CACNA2D1: variants seen among roughly 807,000 people sequenced by gnomAD.
The protein encoded by CACNA2D1 is voltage-dependent calcium channel subunit alpha-2/delta-1.
CACNA2D1 carries 53 observed loss-of-function variants against 171.5 expected under a neutral mutation model. The ratio of observed to expected loss-of-function variants is 0.31; its 90% CI spans 0.25 to 0.39. CACNA2D1 has a LOEUF of 0.39. Among genes scored for constraint, CACNA2D1 ranks in the 10% least tolerant of loss-of-function variants. CACNA2D1 has a pLI of 1.00. For synonymous variants in CACNA2D1, 442 were observed against 443.1 expected (o/e 1.00, Z 0.03); for missense variants, 903 against 1,299.8 (o/e 0.69, Z 4.69).
At chr7:81,976,244 T>G (rs1329477024) in intron 24 of CACNA2D1, among the ~76,000 whole-genome samples, 2 of 152,156 alleles carry the variant, frequency 1.3e-5, no homozygotes, top group Non-Finnish European at 2.9e-5. Context: ...CTTTTTTGGT[T>G]CCATATGAAA....
intron 3 of CACNA2D1, among the ~76,000 whole-genome samples, chr7:82,182,654 T>C (rs919134595): frequency 8.5e-5 from 13 of 152,082 alleles, no homozygotes; most frequent in Admixed American, 3.3e-4. Context: ...AAAAATTTAA[T>C]ATACATCTGA....
At chr7:82,019,494 TTAAG>T (rs1435221030) in intron 12 of CACNA2D1, among the ~76,000 whole-genome samples, 1 of 152,222 alleles carries the variant, frequency 6.6e-6, no homozygotes, top group Admixed American at 6.5e-5. Flanking sequence ...GAGAAGACTT[TTAAG>T]TAAGAGCAGT....
chr7:82,163,695 G>A (rs1795167510), intron 4 of CACNA2D1, among the ~76,000 whole-genome samples: 1 of 151,956 alleles, frequency 6.6e-6, no homozygotes, highest in South Asian at 2.1e-4. Context: ...TTTGCATAGA[G>A]CACATTGAAT....
intron 3 of CACNA2D1, among the ~76,000 whole-genome samples, chr7:82,211,722 C>A (rs538471680): frequency 1.3e-5 from 2 of 152,066 alleles, no homozygotes; most frequent in East Asian, 1.9e-4. Context: ...TGGTTGTATA[C>A]CCAGTAATGA....
chr7:82,172,541 C>T lies in CACNA2D1; in HGVS notation c.295-1932G>A, dbSNP rs765630457. Among the ~76,000 whole-genome samples, 174 of 151,340 alleles carry T rather than the reference C, an allele frequency of 1.1e-3. 1 individual carries two copies. Among genetic ancestry groups the T allele is most frequent in the Non-Finnish European group, 2.1e-3 (144 of 67,904 alleles). On this transcript the variant is annotated intron_variant, in intron 3 of 38. Coordinates refer to ENST00000356860, the MANE Select transcript of CACNA2D1 (RefSeq NM_000722.4). Reference sequence around the variant, plus strand: ...AATCATAGCTCCCTGCAGCCTTGACCTCCTGGGCTCAAGTGATCCTCCCAC... The same window carrying T: ...AATCATAGCTCCCTGCAGCCTTGACTTCCTGGGCTCAAGTGATCCTCCCAC...
chr7:82,138,365 G>A (rs1791925446), intron 4 of CACNA2D1, among the ~76,000 whole-genome samples: 1 of 150,694 alleles, frequency 6.6e-6, no homozygotes, highest in South Asian at 2.1e-4. Context: ...GAATTATTCA[G>A]TAGCTAAAAA....
chr7:82,409,062 A>G (rs1421314908), intron 1 of CACNA2D1, among the ~76,000 whole-genome samples: 1 of 151,720 alleles, frequency 6.6e-6, no homozygotes, highest in Non-Finnish European at 1.5e-5. Flanking sequence ...TATTGTACCT[A>G]GCTGTGAGGC....
chr7:82,114,623 G>T lies in CACNA2D1; in HGVS notation c.526+2421C>A, dbSNP rs193077732. The stretch of plus-strand genomic sequence containing the variant: ...CAAAAAAAATTAGCCGGGCATGGTG[G>T]TGCATGCCTGTAATCCTAGCTACTC... On this transcript the variant is annotated intron_variant, in intron 6 of 38. Coordinates refer to ENST00000356860, the MANE Select transcript of CACNA2D1 (RefSeq NM_000722.4). 2.5e-3 allele frequency among the ~76,000 whole-genome samples: 379 copies of T among 152,148 alleles called. 5 individuals carry two copies. The South Asian group carries it at 0.028, about 11-fold the overall frequency.
chr7:82,280,334 A>G (rs1277875768), intron 3 of CACNA2D1, among the ~76,000 whole-genome samples: 1 of 152,190 alleles, frequency 6.6e-6, no homozygotes, highest in Non-Finnish European at 1.5e-5. Context: ...ACAAATTATA[A>G]TTTTCAGAAT....
intron 15 of CACNA2D1, among the ~76,000 whole-genome samples, chr7:82,008,495 C>A (rs1799378980): frequency 6.6e-6 from 1 of 152,088 alleles, no homozygotes; most frequent in Non-Finnish European, 1.5e-5. Flanking sequence ...TGAATCCATA[C>A]AGATTAGTCA....
chr7:82,413,699 TGTTA>T (rs1163880709), intron 1 of CACNA2D1, among the ~76,000 whole-genome samples: 1 of 152,192 alleles, frequency 6.6e-6, no homozygotes, highest in East Asian at 1.9e-4. Flanking sequence ...ATACTTAATG[TGTTA>T]ATTATTGTTA....
At chr7:82,203,737 G>C (rs1799723543) in intron 3 of CACNA2D1, among the ~76,000 whole-genome samples, 1 of 152,206 alleles carries the variant, frequency 6.6e-6, no homozygotes, top group Non-Finnish European at 1.5e-5. Flanking sequence ...CTATGGAAAG[G>C]AGCTGAGCTC....
chr7:82,215,362 CTTG>C (rs1157630943), intron 3 of CACNA2D1, among the ~76,000 whole-genome samples: 6 of 152,166 alleles, frequency 3.9e-5, no homozygotes, highest in East Asian at 1.9e-4. Flanking sequence ...CTTGGCAATA[CTTG>C]TTGTCTCAGT....
chr7:82,000,145 G>C (rs1798435193), intron 18 of CACNA2D1, among the ~76,000 whole-genome samples: 1 of 152,090 alleles, frequency 6.6e-6, no homozygotes, highest in Admixed American at 6.5e-5. Context: ...TGTAATCCCA[G>C]CTACTCGGGA....
chr7:82,344,104 G>C (rs563106946), intron 2 of CACNA2D1, among the ~76,000 whole-genome samples: 1 of 152,196 alleles, frequency 6.6e-6, no homozygotes, highest in African/African-American at 2.4e-5. Context: ...ATAATTCTCT[G>C]TTGTGAAGGG....
At chr7:82,111,313 T>TATATATATAC (rs1421438211) in intron 6 of CACNA2D1, among the ~76,000 whole-genome samples, 28 of 103,290 alleles carry the variant, frequency 2.7e-4, no homozygotes, top group Admixed American at 2.0e-3. Context: ...TATATATATA[T>TATATATATAC]ACGTGTATAT....
intron 1 of CACNA2D1, among the ~76,000 whole-genome samples, chr7:82,387,677 A>G (rs1173135942): frequency 6.6e-6 from 1 of 152,236 alleles, no homozygotes; most frequent in Non-Finnish European, 1.5e-5. Flanking sequence ...GCACAATAGT[A>G]ATAGTTGCTT....
rs1825056296 is a variant in CACNA2D1, at chr7:82,390,966, A to G, written c.96-41317T>C. 2.6e-5 allele frequency among the ~76,000 whole-genome samples: 4 copies of G among 152,004 alleles called. 1 individual carries two copies. In the South Asian group the frequency reaches 6.2e-4, roughly 24 times the overall value. On this transcript the variant is annotated intron_variant, in intron 1 of 38. Transcript: ENST00000356860. ...TGACATTCACCTCCTTTTTTTCCCC[A>G]TGAAAAACATAAAAGAGATTTGGGT...
chr7:82,436,252 G>A (rs1037867717), intron 1 of CACNA2D1, among the ~76,000 whole-genome samples: 3 of 152,064 alleles, frequency 2.0e-5, no homozygotes, highest in African/African-American at 7.2e-5. Context: ...AAAATAAAAT[G>A]TACTATTTAT....
Sources: gnomAD v4.1 joint callset for allele counts (sites outside exome capture counted in the v4.1 genomes callset) on GRCh38, gnomAD v4.1.1 for gene constraint, MANE v1.5 for transcripts, NCBI Gene and HGNC (gene_info 2026-07-23, HGNC 2026-07-21) for gene names.